Variants in WDR1 observed in about 807,000 individuals in gnomAD.
WDR1 encodes the protein WD repeat-containing protein 1.
WDR1 carries 21 observed loss-of-function variants against 71.9 expected under a neutral mutation model. The observed-to-expected ratio is 0.29, with a 90% CI of 0.21 to 0.42. The LOEUF is 0.42. WDR1 is among the 10% of genes least tolerant of loss of function. The probability of loss-of-function intolerance (pLI) is 1.00; values close to 1 mark genes in which losing one functional copy is unlikely to be tolerated. For synonymous variants in WDR1, 424 were observed against 347.4 expected (o/e 1.22, Z -2.45); for missense variants, 696 against 824.5 (o/e 0.84, Z 1.91).
intron 2 of WDR1, among the ~76,000 whole-genome samples, 192 bp from the exon 3 acceptor site, chr4:10,104,178 T>C (rs1367914672): frequency 1.3e-5 from 2 of 152,224 alleles, no homozygotes; most frequent in Non-Finnish European, 2.9e-5. Flanking sequence ...GGTGATAGAA[T>C]TTCATGTTAC....
intron 3 of WDR1, among the ~76,000 whole-genome samples, chr4:10,102,467 C>G (rs2109685833): frequency 6.6e-6 from 1 of 152,372 alleles, no homozygotes; most frequent in South Asian, 2.1e-4. Context: ...AATAAAAGGA[C>G]AAGCCCAGCC....
At chr4:10,114,832 T>C (rs534192036) in intron 2 of WDR1, among the ~76,000 whole-genome samples, 1 of 152,074 alleles carries the variant, frequency 6.6e-6, no homozygotes, top group South Asian at 2.1e-4. Flanking sequence ...ACCCCCTCAT[T>C]TGAGGGGCCC....
chr4:10,088,479 G>C, intron 6 of WDR1, 106 bp from the exon 7 acceptor site: 1 of 1,253,006 alleles, frequency 8.0e-7, no homozygotes, highest in Non-Finnish European at 1.1e-6. Flanking sequence ...CACAGACTAA[G>C]CTCCCAGTGT....
intron 8 of WDR1, among the ~76,000 whole-genome samples, chr4:10,087,336 T>C (rs1321432044): frequency 1.3e-5 from 2 of 152,278 alleles, no homozygotes; most frequent in Admixed American, 6.5e-5. Context: ...AGTGAGCTTC[T>C]GCTCTTGCCT....
At chr4:10,099,163 AGGGGGGGAGGCGG>A in intron 3 of WDR1, 24 bp from the exon 4 acceptor site, 1 of 180,472 alleles carries the variant, frequency 5.5e-6, no homozygotes, top group Non-Finnish European at 8.4e-6. Flanking sequence ...CGGGCGGGGG[AGGGGGGGAGGCGG>A]TGGTGGGGTA....
At chr4:10,079,065 G>C in intron 11 of WDR1, 64 bp from the exon 12 acceptor site, 2 of 1,346,290 alleles carry the variant, frequency 1.5e-6, no homozygotes, top group Non-Finnish European at 2.1e-6. Context: ...CTCAGTGGTA[G>C]GAGGGGCGCG....
Position 10,097,719 on chromosome 4 carries a change from T to A in WDR1, c.550A>T (p.Thr184Ser). 6 of 1,606,874 alleles carry A rather than the reference T, an allele frequency of 3.7e-6. No individual in the cohort carries two copies. Among genetic ancestry groups the A allele is most frequent in the Non-Finnish European group, 5.1e-6 (6 of 1,175,506 alleles). Residue 184 changes from threonine (T) to serine (S), a missense_variant, in exon 5 of 15, where the codon ACA becomes TCA. Transcript: ENST00000499869. Reference sequence around the variant, plus strand: ...AAAGTAAGTTCACTTACGCCAATTGTGAACTTGAACTTGAATGGGGGTCCC... The same window carrying A: ...AAAGTAAGTTCACTTACGCCAATTGAGAACTTGAACTTGAATGGGGGTCCC... ...FEGPPFKFKF[T>S]IGDHSRFVNC... is the part of the protein sequence containing the mutation.
rs921609634 is a variant in WDR1 at position 10,088,505 on chromosome 4, A to C, written c.637-132T>G. 8 of 1,134,616 alleles carry C rather than the reference A, an allele frequency of 7.1e-6. No individual in the cohort carries two copies. The African/African-American group carries it at 1.2e-4, about 17-fold the overall frequency. The allele number at this position is 1,134,616 out of a possible 1,614,324, so 70.3% of individuals were successfully genotyped here. On this transcript the variant is annotated intron_variant, in intron 6 of 14. Transcript: ENST00000499869. ...CTCCCAGTGTGGTTTAAAAGCAGAC[A>C]TGCATTTACTGGGCTCTGACGACGA...
At chr4:10,105,446 G>A (rs970945816) in intron 2 of WDR1, among the ~76,000 whole-genome samples, 1 of 152,182 alleles carries the variant, frequency 6.6e-6, no homozygotes, top group African/African-American at 2.4e-5. Context: ...ATAATCGTTC[G>A]CCAGTGAAAT....
intron 5 of WDR1, among the ~76,000 whole-genome samples, chr4:10,090,707 A>AG (rs1383731709): frequency 6.6e-6 from 1 of 152,208 alleles, no homozygotes; most frequent in African/African-American, 2.4e-5. Context: ...CACCTGAACC[A>AG]GGATCTCCCA....
At chr4:10,109,945 T>TA (rs1713249932) in intron 2 of WDR1, among the ~76,000 whole-genome samples, 1 of 152,170 alleles carries the variant, frequency 6.6e-6, no homozygotes, top group Admixed American at 6.5e-5. Flanking sequence ...CGTTAAATCT[T>TA]ACACTGATCC....
intron 8 of WDR1, among the ~76,000 whole-genome samples, chr4:10,085,970 G>T (rs1158316636): frequency 6.6e-6 from 1 of 152,198 alleles, no homozygotes; most frequent in Non-Finnish European, 1.5e-5. Context: ...GTTTAGCCAC[G>T]GTGGCAGGCC....
intron 5 of WDR1, chr4:10,092,686 G>C (rs1578430449): frequency 3.7e-6 from 1 of 271,390 alleles, no homozygotes; most frequent in South Asian, 3.7e-5. Flanking sequence ...CCTTCAAAGA[G>C]AGAAGCCGCG....
At chr4:10,101,241 G>A (rs1712667824) in intron 3 of WDR1, among the ~76,000 whole-genome samples, 1 of 152,244 alleles carries the variant, frequency 6.6e-6, no homozygotes, top group East Asian at 1.9e-4. Flanking sequence ...AGTGCCGGAG[G>A]CTCCCAGGTG....
chr4:10,098,336 C>T (rs1354564631), intron 4 of WDR1, among the ~76,000 whole-genome samples: 2 of 152,216 alleles, frequency 1.3e-5, no homozygotes, highest in Admixed American at 6.5e-5. Flanking sequence ...ACAGGAATGA[C>T]TTGAGAAGCC....
chr4:10,113,523 C>G (rs1211284452), intron 2 of WDR1, among the ~76,000 whole-genome samples: 1 of 152,230 alleles, frequency 6.6e-6, no homozygotes, highest in African/African-American at 2.4e-5. Context: ...ACGGTAAGGA[C>G]TCTGGCTTTC....
At chr4:10,109,953 T>A (rs1169927209) in intron 2 of WDR1, among the ~76,000 whole-genome samples, 4 of 152,148 alleles carry the variant, frequency 2.6e-5, no homozygotes, top group Non-Finnish European at 5.9e-5. Flanking sequence ...CTTACACTGA[T>A]CCCATGATAA....
intron 5 of WDR1, among the ~76,000 whole-genome samples, chr4:10,088,950 C>T (rs572930958): frequency 5.3e-5 from 8 of 152,372 alleles, no homozygotes; most frequent in Admixed American, 1.3e-4. Context: ...CCATGCTGAC[C>T]GCTCTACCTG....
At chr4:10,110,151 G>A (rs528746019) in intron 2 of WDR1, among the ~76,000 whole-genome samples, 7 of 152,280 alleles carry the variant, frequency 4.6e-5, no homozygotes, top group South Asian at 4.1e-4. Context: ...GGACCCATAC[G>A]TAGAAGTGAC....
Sources: gnomAD v4.1 joint callset for allele counts (sites outside exome capture counted in the v4.1 genomes callset) on GRCh38, gnomAD v4.1.1 for gene constraint, MANE v1.5 for transcripts, NCBI Gene and HGNC (gene_info 2026-07-23, HGNC 2026-07-21) for gene names.